The following EFCAB11 variants were observed in gnomAD, a reference collection of about 807,000 sequenced individuals.
The protein encoded by EFCAB11 is EF-hand calcium binding domain 11.
In EFCAB11, 14 loss-of-function variants were observed where a neutral mutation model predicts 23.0. The observed-to-expected ratio is 0.61, with a 90% CI of 0.40 to 0.95. The LOEUF (loss-of-function observed/expected upper bound fraction) is 0.95, where lower values mean the gene tolerates loss of function less well. EFCAB11 is among the 40% of genes least tolerant of loss of function. The probability of loss-of-function intolerance (pLI) is 0.00; values close to 1 mark genes in which losing one functional copy is unlikely to be tolerated. For synonymous variants in EFCAB11, 65 were observed against 66.6 expected (o/e 0.98, Z 0.11); for missense variants, 198 against 195.8 (o/e 1.01, Z -0.07).
intron 5 of EFCAB11, among the ~76,000 whole-genome samples, chr14:89,809,255 C>T (rs1025408080): frequency 6.6e-6 from 1 of 152,188 alleles, no homozygotes; most frequent in African/African-American, 2.4e-5. Context: ...GGAACAGACA[C>T]TGGCCACGAG....
chr14:89,872,385 G>A (rs1248042157), intron 5 of EFCAB11, among the ~76,000 whole-genome samples: 3 of 152,196 alleles, frequency 2.0e-5, no homozygotes, highest in African/African-American at 7.2e-5. Flanking sequence ...TTCCGCATGG[G>A]TGGGGCACAG....
intron 5 of EFCAB11, among the ~76,000 whole-genome samples, chr14:89,924,976 T>C (rs1251108808): frequency 6.6e-6 from 1 of 152,252 alleles, no homozygotes; most frequent in Non-Finnish European, 1.5e-5. Flanking sequence ...GAACTTGTAC[T>C]AATTTATGGG....
intron 5 of EFCAB11, among the ~76,000 whole-genome samples, chr14:89,837,527 C>T (rs893861728): frequency 1.6e-4 from 24 of 152,190 alleles, no homozygotes; most frequent in Admixed American, 3.3e-4. Context: ...CTCAAATGAC[C>T]TTGTTGTATG....
intron 5 of EFCAB11, among the ~76,000 whole-genome samples, chr14:89,906,631 T>C (rs1306238399): frequency 6.6e-6 from 1 of 152,194 alleles, no homozygotes; most frequent in South Asian, 2.1e-4. Context: ...AATGATAATT[T>C]GCAACATGCT....
chr14:89,946,524 C>T (rs1890991976), intron 3 of EFCAB11, among the ~76,000 whole-genome samples: 1 of 151,892 alleles, frequency 6.6e-6, no homozygotes, highest in African/African-American at 2.4e-5. Context: ...TATTTTTCTA[C>T]TTGTCTATTT....
chr14:89,954,099 G>T, intron 1 of EFCAB11, 98 bp from the exon 2 acceptor site: 2 of 1,053,028 alleles, frequency 1.9e-6, no homozygotes, highest in Non-Finnish European at 2.8e-6. Context: ...CTAAAACTTG[G>T]CCCAGCGGTA....
chr14:89,874,449 C>G lies in EFCAB11; in HGVS notation c.410+57092G>C, dbSNP rs143487474. ...TTGTTATTTATGCAAATTTCTGCAA[C>G]CAGCTTGAATTTCTCCCCAGAAAAT... On this transcript the variant is annotated intron_variant, in intron 5 of 5. Transcript: ENST00000316738. Among the ~76,000 whole-genome samples, 221 of 152,296 alleles carry G rather than the reference C, an allele frequency of 1.5e-3. 1 individual carries two copies. Among genetic ancestry groups the G allele is most frequent in the Middle Eastern group, 0.014 (4 of 294 alleles).
At chr14:89,934,470 G>C (rs1168443002) in intron 3 of EFCAB11, among the ~76,000 whole-genome samples, 2 of 152,130 alleles carry the variant, frequency 1.3e-5, no homozygotes, top group African/African-American at 2.4e-5. Context: ...CAAAATTGGG[G>C]CGAGATGAAG....
intron 3 of EFCAB11, among the ~76,000 whole-genome samples, chr14:89,946,280 T>C (rs575431174): frequency 5.4e-4 from 83 of 152,300 alleles, no homozygotes; most frequent in African/African-American, 1.9e-3. Flanking sequence ...TTTCTTCTTC[T>C]GAAGTCTACT....
At chr14:89,931,458 T>C (rs1890386598) in intron 5 of EFCAB11, 83 bp downstream of exon 5, 1 of 1,245,164 alleles carries the variant, frequency 8.0e-7, no homozygotes, top group Admixed American at 2.1e-5. Context: ...TCAGAATAAA[T>C]AAGTTCTTTC....
intron 5 of EFCAB11, among the ~76,000 whole-genome samples, chr14:89,811,581 G>C (rs769577483): frequency 6.6e-6 from 1 of 152,104 alleles, no homozygotes; most frequent in Non-Finnish European, 1.5e-5. Flanking sequence ...GCAGGAGAGG[G>C]CGTACAAGAA....
intron 5 of EFCAB11, among the ~76,000 whole-genome samples, chr14:89,841,220 G>A (rs899980188): frequency 2.1e-4 from 32 of 151,924 alleles, no homozygotes; most frequent in African/African-American, 6.0e-4. Context: ...TTGGTTTTTC[G>A]TTGGAGACAT....
chr14:89,954,552 A>C (rs1228330553), intron 1 of EFCAB11, 34 bp downstream of exon 1: 1 of 1,610,588 alleles, frequency 6.2e-7, no homozygotes, highest in East Asian at 2.2e-5. Context: ...GGCCAAGCTG[A>C]AGTCCGAGGC....
intron 5 of EFCAB11, among the ~76,000 whole-genome samples, chr14:89,910,598 A>AATACATAC (rs34931708): frequency 0.017 from 2,509 of 147,612 alleles, 25 homozygotes; most frequent in East Asian, 0.027. Context: ...ATCTGTCTCA[A>AATACATAC]ATACATACAT....
intron 3 of EFCAB11, among the ~76,000 whole-genome samples, chr14:89,938,577 C>A (rs1480352711): frequency 1.3e-5 from 2 of 151,616 alleles, no homozygotes; most frequent in African/African-American, 2.4e-5. Context: ...AAATAATCTA[C>A]CTTAATGGAA....
At chr14:89,931,916 T>C (rs776139147) in intron 4 of EFCAB11, among the ~76,000 whole-genome samples, 9 of 152,344 alleles carry the variant, frequency 5.9e-5, no homozygotes, top group Non-Finnish European at 1.3e-4. Flanking sequence ...TATAGAGACA[T>C]GCACTCTAAC....
chr14:89,874,857 A>G (rs2140167757), intron 5 of EFCAB11, among the ~76,000 whole-genome samples: 1 of 151,950 alleles, frequency 6.6e-6, no homozygotes, highest in African/African-American at 2.4e-5. Context: ...GCGCCACTGC[A>G]CTCTAGCCTG....
At chr14:89,888,192 G>A (rs1217172578) in intron 5 of EFCAB11, among the ~76,000 whole-genome samples, 3 of 152,234 alleles carry the variant, frequency 2.0e-5, no homozygotes, top group African/African-American at 7.2e-5. Context: ...TGGAGGTGGG[G>A]CCTTTGGAAG....
At chr14:89,866,995 T>G (rs959045126) in intron 5 of EFCAB11, among the ~76,000 whole-genome samples, 3 of 152,142 alleles carry the variant, frequency 2.0e-5, no homozygotes, top group Non-Finnish European at 4.4e-5. Flanking sequence ...GGTCTCCAAC[T>G]CCTGACCTCA....
Sources: allele counts gnomAD v4.1 joint callset (sites outside exome capture counted in the v4.1 genomes callset), GRCh38; gene constraint gnomAD v4.1.1; transcripts MANE v1.5; gene names NCBI Gene and HGNC (gene_info 2026-07-23, HGNC 2026-07-21).